Variants in AFF1 observed in about 807,000 individuals in gnomAD.
AFF1 encodes ALF transcription elongation factor 1.
AFF1 carries 48 observed loss-of-function variants against 121.7 expected under a neutral mutation model. The ratio of observed to expected loss-of-function variants is 0.39; its 90% CI spans 0.31 to 0.50. The LOEUF is 0.50. AFF1 is among the 20% of genes least tolerant of loss of function. AFF1 has a pLI of 0.76. For synonymous variants in AFF1, 613 were observed against 563.0 expected, an observed-to-expected ratio of 1.09 and a Z score of -1.26; for missense variants, 1,523 against 1,511.7, an observed-to-expected ratio of 1.01 and a Z score of -0.12.
intron 2 of AFF1, among the ~76,000 whole-genome samples, chr4:87,022,568 ATATATATATATATATCTATC>A (rs1401330645): frequency 1.2e-5 from 1 of 84,034 alleles, no homozygotes; most frequent in Non-Finnish European, 2.3e-5. Context: ...ATATATATAT[ATATATATATATATATCTATC>A]TATATCTATC....
intron 2 of AFF1, among the ~76,000 whole-genome samples, chr4:87,031,346 TA>T (rs1238598710): frequency 6.6e-6 from 1 of 152,206 alleles, no homozygotes; most frequent in Non-Finnish European, 1.5e-5. Context: ...CTTAATTAAT[TA>T]AATCACCCCA....
At chr4:86,995,535 A>C (rs1257205894) in intron 2 of AFF1, among the ~76,000 whole-genome samples, 3 of 151,748 alleles carry the variant, frequency 2.0e-5, no homozygotes, top group African/African-American at 7.3e-5. Flanking sequence ...GCTGGTCTCC[A>C]GCTCCTAACC....
At chr4:87,034,499 A>G (rs1408523483) in intron 2 of AFF1, among the ~76,000 whole-genome samples, 1 of 152,158 alleles carries the variant, frequency 6.6e-6, no homozygotes, top group Admixed American at 6.5e-5. Context: ...TTATTGTCCA[A>G]GTTTTCATCC....
intron 2 of AFF1, chr4:86,949,537 A>ATTATTATTATT: frequency 4.1e-6 from 1 of 245,742 alleles, no homozygotes; most frequent in South Asian, 5.2e-5. Context: ...TATTATTATT[A>ATTATTATTATT]TTTTTTTTTT....
chr4:86,974,308 G>A (rs773450100), intron 2 of AFF1, among the ~76,000 whole-genome samples: 27 of 151,894 alleles, frequency 1.8e-4, no homozygotes, highest in Non-Finnish European at 2.9e-4. Flanking sequence ...CCACCACGCC[G>A]GGCTAATTTT....
At chr4:87,011,670 A>G (rs1726769771) in intron 2 of AFF1, among the ~76,000 whole-genome samples, 1 of 152,156 alleles carries the variant, frequency 6.6e-6, no homozygotes, top group Admixed American at 6.5e-5. Flanking sequence ...GAATATTCTC[A>G]CTTTTTCCTT....
At chr4:87,027,660 G>T (rs1388906096) in intron 2 of AFF1, among the ~76,000 whole-genome samples, 1 of 151,628 alleles carries the variant, frequency 6.6e-6, no homozygotes, top group Non-Finnish European at 1.5e-5. Context: ...CAAACATTCA[G>T]AAAAGTTTAA....
chr4:87,087,191 A>G (rs920312928), intron 5 of AFF1, among the ~76,000 whole-genome samples: 1 of 152,218 alleles, frequency 6.6e-6, no homozygotes, highest in Non-Finnish European at 1.5e-5. Flanking sequence ...TGGTAGCACT[A>G]TTTATATGTT....
Position 87,138,563 on chromosome 4 carries a change from G to A in AFF1, c.*2862G>A. ...GAAGAACACTGTTTTATTTTTTAAA[G>A]TGTTTAATGTTTCTGTCCTTTCTGT... On this transcript the variant is annotated 3_prime_UTR_variant, in exon 21 of 21. Transcript: ENST00000395146. 8.6e-6 allele frequency: 2 copies of A among 231,806 alleles called. No individual in the cohort carries two copies. The highest frequency in any genetic ancestry group is 1.7e-5 in the Non-Finnish European group (2 of 117,262). 14.4% of individuals were successfully genotyped at this position (231,806 alleles called of 1,614,324 possible).
At chr4:87,122,045 G>T (rs1727747588) in intron 12 of AFF1, among the ~76,000 whole-genome samples, 1 of 152,164 alleles carries the variant, frequency 6.6e-6, no homozygotes, top group African/African-American at 2.4e-5. Flanking sequence ...GCTTAGTTTT[G>T]CCTTGGGGGC....
rs554458419 is a variant in AFF1, at chr4:86,958,058, C to G, written c.38+9487C>G. On this transcript the variant is annotated intron_variant, in intron 2 of 20. Coordinates refer to ENST00000395146, the MANE Select transcript of AFF1 (RefSeq NM_001166693.3). ...TTAACATCTTGGATTCGTCTAATACCTAGTCTATCTCTGAACTTTTTCTTT... is the reference window on the plus strand; with the variant it reads ...TTAACATCTTGGATTCGTCTAATACGTAGTCTATCTCTGAACTTTTTCTTT... 5.3e-5 allele frequency among the ~76,000 whole-genome samples: 8 copies of G among 150,406 alleles called. No individual in the cohort carries two copies. The South Asian group carries it at 1.5e-3, about 28-fold the overall frequency.
chr4:87,052,761 A>T (rs1347383727), intron 4 of AFF1, among the ~76,000 whole-genome samples: 1 of 151,876 alleles, frequency 6.6e-6, no homozygotes, highest in Non-Finnish European at 1.5e-5. Flanking sequence ...ATGTATGTGG[A>T]TAGTAGCCAT....
In AFF1 at chr4:87,046,911, C is replaced by T. The variant is rs750394594; in HGVS notation, c.376C>T (p.Pro126Ser). 5 of 1,614,226 alleles carry T rather than the reference C, an allele frequency of 3.1e-6. No homozygotes were observed. Among genetic ancestry groups the T allele is most frequent in the African/African-American group, 2.7e-5 (2 of 75,060 alleles). The change falls in exon 4 of 21, where the codon CCT (proline) becomes TCT (serine). Residue 126 changes from proline to serine, a missense_variant. Transcript: ENST00000395146. ...TGTCCACCACCAGTCCATTCACACTCCTGCGTCTGGACCACTTTCTGTTGG... is the reference window on the plus strand; with the variant it reads ...TGTCCACCACCAGTCCATTCACACTTCTGCGTCTGGACCACTTTCTGTTGG... ...TSVHHQSIHT[P>S]ASGPLSVGNI...
chr4:87,061,915 T>C (rs1720829524), intron 4 of AFF1, among the ~76,000 whole-genome samples: 1 of 152,244 alleles, frequency 6.6e-6, no homozygotes, highest in African/African-American at 2.4e-5. Flanking sequence ...ACTTTGCTTT[T>C]TTTGACCCTC....
At position 87,134,634 on chromosome 4, in the gene AFF1, C is replaced by G; in HGVS notation, c.3475C>G (p.His1159Asp). Residue 1159 changes from histidine (H) to aspartate (D), a missense_variant, in exon 20 of 21, where the codon CAT becomes GAT. Transcript: ENST00000395146. ...MTSSYVTITS[H>D]VLTAFDLWEQ... The stretch of plus-strand genomic sequence containing the variant: ...ATCTTCCTATGTCACCATCACATCC[C>G]ATGTTCTTACCGCCTTTGACCTTTG... The G allele has an allele frequency of 6.2e-7, 1 of 1,614,174 alleles. No individual in the cohort carries two copies. Among genetic ancestry groups the G allele is most frequent in the Non-Finnish European group, 8.5e-7 (1 of 1,180,038 alleles).
At chr4:86,938,389 G>T (rs913044767) in intron 1 of AFF1, among the ~76,000 whole-genome samples, 42 of 149,156 alleles carry the variant, frequency 2.8e-4, no homozygotes, top group African/African-American at 9.9e-4. Flanking sequence ...GGCGGAGGTT[G>T]CAGTGAGCCG....
At chr4:87,134,422 G>T (rs776479567) in intron 19 of AFF1, 49 bp from the exon 20 acceptor site, 6 of 1,475,666 alleles carry the variant, frequency 4.1e-6, no homozygotes, top group Non-Finnish European at 5.5e-6. Context: ...TGATCCAGGG[G>T]TCTACTGGTG....
At chr4:87,090,914 C>T (rs898318788) in intron 6 of AFF1, among the ~76,000 whole-genome samples, 1 of 147,930 alleles carries the variant, frequency 6.8e-6, no homozygotes, top group Admixed American at 6.9e-5. Context: ...ACTTGGGAGG[C>T]TGAGGTGGGA....
chr4:87,085,223 CTTTCTT>C (rs1043001847), intron 5 of AFF1, among the ~76,000 whole-genome samples: 5 of 152,100 alleles, frequency 3.3e-5, no homozygotes, highest in African/African-American at 1.2e-4. Context: ...AACTGGCATT[CTTTCTT>C]TTTATCAGAG....
Sources: gnomAD v4.1 joint callset for allele counts (sites outside exome capture counted in the v4.1 genomes callset) on GRCh38, gnomAD v4.1.1 for gene constraint, MANE v1.5 for transcripts, NCBI Gene and HGNC (gene_info 2026-07-23, HGNC 2026-07-21) for gene names.